Variants in SYT1 observed in about 807,000 individuals in gnomAD.
SYT1 encodes the protein synaptotagmin 1.
SYT1 carries 8 observed loss-of-function variants against 44.8 expected under a neutral mutation model. The ratio of observed to expected loss-of-function variants is 0.18; its 90% CI spans 0.10 to 0.32. SYT1 has a LOEUF of 0.32. SYT1 is among the 10% of genes least tolerant of loss of function. The probability of loss-of-function intolerance (pLI) is 1.00; values close to 1 mark genes in which losing one functional copy is unlikely to be tolerated. For missense variants in SYT1, 286 were observed against 509.3 expected (o/e 0.56, Z 4.22); for synonymous variants, 154 against 188.8 (o/e 0.82, Z 1.51).
intron 9 of SYT1, among the ~76,000 whole-genome samples, chr12:79,424,276 C>T (rs1321347324): frequency 6.6e-6 from 1 of 152,046 alleles, no homozygotes; most frequent in Non-Finnish European, 1.5e-5. Flanking sequence ...AGAATTTCTG[C>T]ATCACCAGAA....
chr12:79,299,497 T>A lies in SYT1; in HGVS notation c.756T>A (p.Asp252Glu). 1 of 1,613,514 alleles carries A rather than the reference T, an allele frequency of 6.2e-7. No individual in the cohort carries two copies. Among genetic ancestry groups the A allele is most frequent in the Non-Finnish European group, 8.5e-7 (1 of 1,179,574 alleles). The change falls in exon 8 of 11, where the codon GAT becomes GAA. Residue 252 changes from aspartate (D) to glutamate (E), a missense_variant. This residue lies in a region of SYT1 where 81 missense variants were observed against 164.9 expected (regional missense o/e 0.49). Coordinates refer to ENST00000261205, the MANE Select transcript of SYT1 (RefSeq NM_005639.3). ...GEFKVPMNTVDFGHVTEEWRD... is the reference protein window; with the variant it reads ...GEFKVPMNTVEFGHVTEEWRD... Reference sequence around the variant, plus strand: ...TTAAAGTCCCTATGAACACAGTGGATTTTGGCCATGTAACTGAGGAATGGC... The same window carrying A: ...TTAAAGTCCCTATGAACACAGTGGAATTTGGCCATGTAACTGAGGAATGGC...
chr12:79,406,646 T>A (rs1247555977), intron 9 of SYT1, among the ~76,000 whole-genome samples: 1 of 152,126 alleles, frequency 6.6e-6, no homozygotes, highest in Non-Finnish European at 1.5e-5. Flanking sequence ...TTCTGATAAA[T>A]TTCACCAATT....
Position 79,449,168 on chromosome 12 carries a change from T to TA in SYT1, c.*45dup, listed in dbSNP as rs1565963046. On this transcript the variant is annotated 3_prime_UTR_variant, in exon 11 of 11. Coordinates refer to ENST00000261205, the MANE Select transcript of SYT1 (RefSeq NM_005639.3). The stretch of plus-strand genomic sequence containing the variant: ...CTGCATTTGCCCATATAGTGCTCTT[T>TA]AGCCAGTATCTGTAAATACCTCAGT... The TA allele has an allele frequency of 6.4e-7, 1 of 1,551,816 alleles. No homozygotes were observed. The highest frequency in any genetic ancestry group is 2.4e-5 in the East Asian group (1 of 41,510).
At chr12:79,261,933 T>TATTGTTAA in intron 4 of SYT1, among the ~76,000 whole-genome samples, 1 of 152,142 alleles carries the variant, frequency 6.6e-6, no homozygotes, top group Non-Finnish European at 1.5e-5. Flanking sequence ...TTTACTCTCT[T>TATTGTTAA]ATTGTTAAAT....
intron 1 of SYT1, among the ~76,000 whole-genome samples, chr12:78,900,290 T>C (rs1875590450): frequency 6.6e-6 from 1 of 152,124 alleles, no homozygotes; most frequent in Non-Finnish European, 1.5e-5. Context: ...ATACTAAATT[T>C]GTGAACAAGC....
intron 7 of SYT1, among the ~76,000 whole-genome samples, chr12:79,299,067 A>G (rs1416942217): frequency 6.6e-6 from 1 of 152,160 alleles, no homozygotes; most frequent in African/African-American, 2.4e-5. Context: ...TTATAGTCAA[A>G]TGCAATTGGC....
chr12:79,396,654 A>T (rs950274180), intron 9 of SYT1, among the ~76,000 whole-genome samples: 1 of 152,178 alleles, frequency 6.6e-6, no homozygotes, highest in South Asian at 2.1e-4. Flanking sequence ...GGACATAATC[A>T]TAGGTTAAGT....
chr12:79,308,184 A>G (rs11113612), intron 8 of SYT1, among the ~76,000 whole-genome samples: 47,936 of 152,118 alleles, frequency 0.32, 7,861 homozygotes, highest in East Asian at 0.58. Flanking sequence ...TCTGAAGAAC[A>G]GTTTGTGCAT....
chr12:78,937,996 A>G (rs1026483596), intron 1 of SYT1, among the ~76,000 whole-genome samples: 1 of 152,198 alleles, frequency 6.6e-6, no homozygotes, highest in Admixed American at 6.5e-5. Context: ...TGCTTACCAT[A>G]CAAAGGCATG....
At chr12:79,427,260 T>G (rs1050848575) in intron 9 of SYT1, among the ~76,000 whole-genome samples, 1 of 152,240 alleles carries the variant, frequency 6.6e-6, no homozygotes, top group Non-Finnish European at 1.5e-5. Context: ...ATAAATCAGC[T>G]GTTTACAAGT....
At chr12:79,373,352 T>C (rs1883868620) in intron 9 of SYT1, among the ~76,000 whole-genome samples, 1 of 152,070 alleles carries the variant, frequency 6.6e-6, no homozygotes, top group Non-Finnish European at 1.5e-5. Context: ...ACCACTATAG[T>C]AATATAAAAT....
chr12:78,869,990 G>T (rs1299041814), intron 1 of SYT1, among the ~76,000 whole-genome samples: 1 of 152,066 alleles, frequency 6.6e-6, no homozygotes, highest in Non-Finnish European at 1.5e-5. Flanking sequence ...AGGAGCTCTA[G>T]AAAATCATAA....
At chr12:78,868,082 C>T (rs1445052272) in intron 1 of SYT1, among the ~76,000 whole-genome samples, 2 of 151,852 alleles carry the variant, frequency 1.3e-5, no homozygotes, top group Non-Finnish European at 3.0e-5. Flanking sequence ...AGAACACACA[C>T]TTAATGCAGA....
intron 1 of SYT1, among the ~76,000 whole-genome samples, chr12:78,897,989 CA>C (rs1316282976): frequency 6.6e-6 from 1 of 151,970 alleles, no homozygotes; most frequent in Non-Finnish European, 1.5e-5. Context: ...TGAAACATCT[CA>C]GATGAAAAAC....
At chr12:79,048,751 G>T (rs981224881) in intron 3 of SYT1, among the ~76,000 whole-genome samples, 1 of 151,812 alleles carries the variant, frequency 6.6e-6, no homozygotes, top group Non-Finnish European at 1.5e-5. Flanking sequence ...GATAATTTAA[G>T]AATCAGATTT....
intron 3 of SYT1, among the ~76,000 whole-genome samples, chr12:79,055,757 T>TA (rs1275008106): frequency 1.3e-5 from 2 of 152,024 alleles, no homozygotes; most frequent in African/African-American, 4.8e-5. Flanking sequence ...GTAACATAAG[T>TA]AAAAATTATT....
At chr12:79,165,842 A>G (rs1277290997) in intron 3 of SYT1, among the ~76,000 whole-genome samples, 5 of 152,026 alleles carry the variant, frequency 3.3e-5, no homozygotes, top group Admixed American at 1.3e-4. Context: ...AATGAGTGCT[A>G]AAGCACATTT....
rs898470204 is a variant in SYT1 at position 79,449,362 on chromosome 12, A to T, written c.*238A>T. ...TTTAAGCAATATGATGTGTAGATAG[A>T]GCATGAATGAAATTATTTATTGTAT... is the stretch of plus-strand genomic sequence containing the variant. On this transcript the variant is annotated 3_prime_UTR_variant, in exon 11 of 11. Transcript: ENST00000261205. 1 of 508,128 alleles carries T rather than the reference A, an allele frequency of 2.0e-6. No homozygotes were observed. Among genetic ancestry groups the T allele is most frequent in the Non-Finnish European group, 3.5e-6 (1 of 283,664 alleles). The allele number at this position is 508,128 out of a possible 1,614,324, so 31.5% of individuals were successfully genotyped here.
intron 1 of SYT1, among the ~76,000 whole-genome samples, chr12:78,876,845 T>TATAATATATTATAC (rs1874161159): frequency 1.3e-5 from 1 of 74,698 alleles, no homozygotes; most frequent in Admixed American, 2.0e-4. Flanking sequence ...ATATATAATA[T>TATAATATATTATAC]ATATTATATA....
Sources: allele counts gnomAD v4.1 joint callset (sites outside exome capture counted in the v4.1 genomes callset), GRCh38; gene constraint gnomAD v4.1.1; regional missense constraint gnomAD v4.1.1; transcripts MANE v1.5; gene names NCBI Gene and HGNC (gene_info 2026-07-23, HGNC 2026-07-21).